Variants in PPFIA4 observed in about 807,000 individuals in gnomAD.
The protein encoded by PPFIA4 is PPFI scaffold protein A4.
A neutral mutation model predicts 145.7 loss-of-function variants in PPFIA4; 98 were observed. That is an observed-to-expected ratio of 0.67 (90% CI 0.57 to 0.80). The LOEUF (loss-of-function observed/expected upper bound fraction) is 0.80. Among genes scored for constraint, PPFIA4 ranks in the 30% least tolerant of loss-of-function variants. The pLI is 0.00. For missense variants in PPFIA4, 1,457 were observed against 1,632.7 expected (o/e 0.89, Z 1.85); for synonymous variants, 628 against 649.6 (o/e 0.97, Z 0.51).
In PPFIA4 at chr1:203,039,044, C is replaced by T. The variant is rs1238247178; in HGVS notation, c.36C>T (p.Asp12=). 1.3e-6 allele frequency: 2 copies of T among 1,579,246 alleles called. No individual in the cohort carries two copies. Among genetic ancestry groups the T allele is most frequent in the South Asian group, 2.3e-5 (2 of 85,892 alleles). Residue 12 remains aspartate (D), a synonymous_variant, in exon 2 of 30, where the codon GAC becomes GAT. Transcript: ENST00000295706. ...TGATGCCCACAATCAATGAGGGGGA[C>T]CGCCTGGGTCCCCCTCATGGCGCCG... ...CEVMPTINEG[D]RLGPPHGADA... is the part of the protein sequence containing the mutation.
chr1:203,029,792 A>G (rs1227981801), intron 1 of PPFIA4, among the ~76,000 whole-genome samples: 1 of 152,228 alleles, frequency 6.6e-6, no homozygotes, highest in African/African-American at 2.4e-5. Context: ...CTCATAAAGC[A>G]TGGCATATGG....
chr1:203,043,604 G>A lies in PPFIA4; in HGVS notation c.336+106G>A, dbSNP rs1659855780. ...AGAGAGCAGGCAAGAGTGGGGCCAG[G>A]CACAGTCCTAGCTCAAGCCCCATCC... On this transcript the variant is annotated intron_variant, in intron 3 of 29. Transcript: ENST00000295706. The surrounding 1 kb of genome is among the most constrained non-coding windows in gnomAD (Gnocchi z 4.4). 4 of 1,039,106 alleles carry A rather than the reference G, an allele frequency of 3.8e-6. No individual in the cohort carries two copies. Among genetic ancestry groups the A allele is most frequent in the Admixed American group, 4.1e-5 (2 of 49,040 alleles). 64.4% of individuals were successfully genotyped at this position (1,039,106 alleles called of 1,614,324 possible).
At chr1:203,070,368 G>A (rs1006397700) in intron 27 of PPFIA4, among the ~76,000 whole-genome samples, 2 of 152,030 alleles carry the variant, frequency 1.3e-5, no homozygotes, top group African/African-American at 4.8e-5. Flanking sequence ...ATTGCTTGAG[G>A]CCAGGAGTTT....
chr1:203,060,895 C>A lies in PPFIA4; in HGVS notation c.2785-75C>A. ...CTCAGGGAGGGAGCTTTGTCCTTGT[C>A]CTTTGGGCTCCCAGCCTGATGGGGA... is the stretch of plus-strand genomic sequence containing the variant. On this transcript the variant is annotated intron_variant, in intron 22 of 29. Coordinates refer to ENST00000295706, the MANE Select transcript of PPFIA4 (RefSeq NM_001304331.2). This position sits in a 1 kb window ranked among gnomAD's most constrained non-coding sequence, Gnocchi z 4.8. 1.4e-6 allele frequency: 2 copies of A among 1,387,212 alleles called. No homozygotes were observed. The highest frequency in any genetic ancestry group is 2.3e-5 in the South Asian group (2 of 86,076). 85.9% of individuals were successfully genotyped at this position (1,387,212 alleles called of 1,614,324 possible). A position where few individuals can be genotyped will look rare whatever the true frequency, so the allele number is the denominator to read the frequency against.
At chr1:203,037,446 G>C (rs563945629) in intron 1 of PPFIA4, among the ~76,000 whole-genome samples, 9 of 152,308 alleles carry the variant, frequency 5.9e-5, no homozygotes, top group African/African-American at 2.2e-4. Flanking sequence ...TGTGCCTATT[G>C]CTGTGCTGAG....
Position 203,060,552 on chromosome 1 carries a change from C to T in PPFIA4, c.2784+135C>T. 1.1e-6 allele frequency: 1 copy of T among 929,162 alleles called. No individual in the cohort carries two copies. The highest frequency in any genetic ancestry group is 1.6e-6 in the Non-Finnish European group (1 of 612,146). The allele number at this position is 929,162 out of a possible 1,614,324, so 57.6% of individuals were successfully genotyped here. A position where few individuals can be genotyped will look rare whatever the true frequency, so the allele number is the denominator to read the frequency against. ...TTCCCATCCTCACAAAGGGCTCTCC[C>T]TGGTCTTCAGGAGGATATGATGTTG... On this transcript the variant is annotated intron_variant, in intron 22 of 29. Coordinates refer to ENST00000295706, the MANE Select transcript of PPFIA4 (RefSeq NM_001304331.2). The surrounding 1 kb of genome is among the most constrained non-coding windows in gnomAD (Gnocchi z 4.8).
chr1:203,035,361 C>A lies in PPFIA4; in HGVS notation c.-399-3249C>A, dbSNP rs562219409. Reference sequence around the variant, plus strand: ...AGCCAGGCCTGTGTGTGGGGCCAGCCAGAGCAACAGACCCAAATGCCCATC... The same window carrying A: ...AGCCAGGCCTGTGTGTGGGGCCAGCAAGAGCAACAGACCCAAATGCCCATC... On this transcript the variant is annotated intron_variant, in intron 1 of 29. Transcript: ENST00000295706. 258 of 454,012 alleles carry A rather than the reference C, an allele frequency of 5.7e-4. 1 individual carries two copies. The highest frequency in any genetic ancestry group is 4.5e-3 in the African/African-American group (225 of 50,128). The allele number at this position is 454,012 out of a possible 1,614,324, so 28.1% of individuals were successfully genotyped here. A position where few individuals can be genotyped will look rare whatever the true frequency, so the allele number is the denominator to read the frequency against.
chr1:203,051,719 G>C (rs1660519827), intron 13 of PPFIA4, 50 bp from the exon 14 acceptor site: 1 of 1,563,122 alleles, frequency 6.4e-7, no homozygotes, highest in Non-Finnish European at 8.7e-7. Flanking sequence ...TGTGAGCTGG[G>C]GGTCTCAGTC....
chr1:203,038,253 A>AGGTCTCAGGAGG (rs1469289658), intron 1 of PPFIA4, among the ~76,000 whole-genome samples: 2 of 152,094 alleles, frequency 1.3e-5, no homozygotes, highest in Non-Finnish European at 2.9e-5. Flanking sequence ...CCTCCCCTCC[A>AGGTCTCAGGAGG]ACCCCCAGGT....
At chr1:203,058,599 AC>A (rs1431279230) in intron 19 of PPFIA4, among the ~76,000 whole-genome samples, 3 of 152,198 alleles carry the variant, frequency 2.0e-5, no homozygotes, top group South Asian at 2.1e-4. Context: ...TGGGGGGGTG[AC>A]CGGGACTTAA....
intron 12 of PPFIA4, among the ~76,000 whole-genome samples, chr1:203,049,287 G>A: frequency 6.6e-6 from 1 of 152,190 alleles, no homozygotes; most frequent in Non-Finnish European, 1.5e-5. Context: ...CCAGAGCCTG[G>A]TGATTCTGGG....
At chr1:203,052,053 C>CCCCA (rs767423966) in intron 14 of PPFIA4, among the ~76,000 whole-genome samples, 176 bp downstream of exon 14, 22,725 of 145,760 alleles carry the variant, frequency 0.16, 2,820 homozygotes, top group African/African-American at 0.18. Flanking sequence ...GTGCCCCCCC[C>CCCCA]CCCGCTTGCC....
rs1571692399 is a variant in PPFIA4 at position 203,048,750 on chromosome 1, A to G, written c.1356+36A>G. On this transcript the variant is annotated intron_variant, in intron 11 of 29. Coordinates refer to ENST00000295706, the MANE Select transcript of PPFIA4 (RefSeq NM_001304331.2). The surrounding 1 kb of genome is among the most constrained non-coding windows in gnomAD (Gnocchi z 5.8). Reference sequence around the variant, plus strand: ...GGGCGGGGTTGGGATGCGAGAGGTTAGTGCTGGGTGTGGGGCGGGGGGAGG... The same window carrying G: ...GGGCGGGGTTGGGATGCGAGAGGTTGGTGCTGGGTGTGGGGCGGGGGGAGG... The G allele has an allele frequency of 2.1e-6, 2 of 941,916 alleles. No homozygotes were observed. Among genetic ancestry groups the G allele is most frequent in the African/African-American group, 2.3e-5 (1 of 43,802 alleles). The allele number at this position is 941,916 out of a possible 1,614,324, so 58.3% of individuals were successfully genotyped here. A position where few individuals can be genotyped will look rare whatever the true frequency, so the allele number is the denominator to read the frequency against.
chr1:203,043,523 C>T lies in PPFIA4; in HGVS notation c.336+25C>T, dbSNP rs369925256. The T allele has an allele frequency of 6.5e-5, 102 of 1,571,676 alleles. No individual in the cohort carries two copies. The highest frequency in any genetic ancestry group is 1.2e-4 in the African/African-American group (9 of 73,564). On this transcript the variant is annotated intron_variant, in intron 3 of 29. Coordinates refer to ENST00000295706, the MANE Select transcript of PPFIA4 (RefSeq NM_001304331.2). The surrounding 1 kb of genome is among the most constrained non-coding windows in gnomAD (Gnocchi z 4.4). ...GGTAAGTGGGGATGACCTTGTGTCG[C>T]GCGCGCGCACGTGTGTGTGTGTGTG...
At chr1:203,074,118 A>G (rs11586427) in intron 28 of PPFIA4, among the ~76,000 whole-genome samples, 84,861 of 151,938 alleles carry the variant, frequency 0.56, 24,229 homozygotes, top group South Asian at 0.63. Flanking sequence ...GAAGGAGGTG[A>G]GAAAAGGAGG....
chr1:203,050,975 G>A (rs1229796243), intron 13 of PPFIA4, among the ~76,000 whole-genome samples: 1 of 151,970 alleles, frequency 6.6e-6, no homozygotes, highest in Non-Finnish European at 1.5e-5. Flanking sequence ...GGGAGAAAAG[G>A]GGAACATGCA....
At chr1:203,038,230 A>G (rs1433860323) in intron 1 of PPFIA4, among the ~76,000 whole-genome samples, 1 of 152,200 alleles carries the variant, frequency 6.6e-6, no homozygotes, top group Non-Finnish European at 1.5e-5. Context: ...GGGGTGGCAC[A>G]GAGACCCTAT....
At chr1:203,036,529 C>T (rs954594449) in intron 1 of PPFIA4, among the ~76,000 whole-genome samples, 2 of 149,216 alleles carry the variant, frequency 1.3e-5, no homozygotes, top group South Asian at 4.3e-4. Flanking sequence ...TTTGGCCTCT[C>T]GTGGCATCTT....
At chr1:203,059,905 G>A in intron 21 of PPFIA4, 54 bp downstream of exon 21, 15 of 1,403,814 alleles carry the variant, frequency 1.1e-5, no homozygotes, top group Middle Eastern at 1.9e-4. Flanking sequence ...GGATGCTTGG[G>A]GTGGGCAGAG....
Sources: gnomAD v4.1 joint callset for allele counts (sites outside exome capture counted in the v4.1 genomes callset) on GRCh38, gnomAD v4.1.1 for gene constraint, Gnocchi (gnomAD v3.1) non-coding constraint, MANE v1.5 for transcripts, NCBI Gene and HGNC (gene_info 2026-07-23, HGNC 2026-07-21) for gene names.